The following ATP8A2 variants were observed in gnomAD, a reference collection of about 807,000 sequenced individuals.
The protein encoded by ATP8A2 is phospholipid-transporting ATPase IB.
Under a neutral mutation model 165.6 loss-of-function variants are expected in ATP8A2, and 100 were observed. That is an observed-to-expected ratio of 0.60 (90% CI 0.51 to 0.71). ATP8A2 has a LOEUF of 0.71. Ranked by LOEUF, ATP8A2 falls within the 30% of genes least tolerant of loss-of-function variation. The pLI is 0.00. For missense variants in ATP8A2, 1,227 were observed against 1,479.5 expected (o/e 0.83, Z 2.80); for synonymous variants, 543 against 548.8 (o/e 0.99, Z 0.15).
At chr13:25,782,450 C>T (rs1163971792) in intron 27 of ATP8A2, among the ~76,000 whole-genome samples, 2 of 152,142 alleles carry the variant, frequency 1.3e-5, no homozygotes, top group African/African-American at 4.8e-5. Context: ...AATGCTGAGA[C>T]TGAGGTACTG....
intron 2 of ATP8A2, among the ~76,000 whole-genome samples, chr13:25,471,462 T>G (rs145011789): frequency 0.011 from 1,720 of 152,188 alleles, 37 homozygotes; most frequent in African/African-American, 0.04. Context: ...GTGATTCTCC[T>G]GCTTCAGCCT....
At chr13:25,595,415 A>G (rs2040210670) in intron 24 of ATP8A2, among the ~76,000 whole-genome samples, 1 of 152,188 alleles carries the variant, frequency 6.6e-6, no homozygotes, top group Admixed American at 6.5e-5. Context: ...CTCTCTGTGG[A>G]TGGGTGTGGC....
In ATP8A2 at chr13:25,888,580, GC is replaced by G. The variant is rs377269263; in HGVS notation, c.3183+26174del. On this transcript the variant is annotated intron_variant, in intron 33 of 36. Coordinates refer to ENST00000381655, the MANE Select transcript of ATP8A2 (RefSeq NM_016529.6). ...AGTATATAGAAGTTTGTAGAGTTCA[GC>G]CGGGTGTGGTGGCTCACACCTGTAA... 1.1e-4 allele frequency among the ~76,000 whole-genome samples: 16 copies of G among 149,696 alleles called. 1 individual carries two copies. Among genetic ancestry groups the G allele is most frequent in the African/African-American group, 3.6e-4 (14 of 39,062 alleles).
intron 33 of ATP8A2, among the ~76,000 whole-genome samples, chr13:25,948,006 G>C (rs1955257540): frequency 6.6e-6 from 1 of 152,094 alleles, no homozygotes; most frequent in Non-Finnish European, 1.5e-5. Context: ...TGGGCATTGG[G>C]CACCAGGGGC....
chr13:25,834,152 T>C (rs939314570), intron 28 of ATP8A2, among the ~76,000 whole-genome samples: 1 of 152,240 alleles, frequency 6.6e-6, no homozygotes, highest in Non-Finnish European at 1.5e-5. Context: ...CCAACAATTG[T>C]ATGAAAACAT....
At chr13:25,515,549 C>T (rs757235809) in intron 2 of ATP8A2, among the ~76,000 whole-genome samples, 2 of 152,208 alleles carry the variant, frequency 1.3e-5, no homozygotes, top group African/African-American at 4.8e-5. Context: ...ACTTGTCTGG[C>T]GAAAGCAGAA....
intron 1 of ATP8A2, among the ~76,000 whole-genome samples, chr13:25,446,534 C>T (rs756271966): frequency 2.2e-4 from 32 of 145,724 alleles, no homozygotes; most frequent in African/African-American, 3.2e-4. Flanking sequence ...CCTGGAACCA[C>T]GCCCGCAGTA....
chr13:25,836,454 A>G (rs949142299), intron 28 of ATP8A2, among the ~76,000 whole-genome samples: 2 of 152,136 alleles, frequency 1.3e-5, no homozygotes, highest in Admixed American at 1.3e-4. Context: ...ATGTTGGTCT[A>G]ATACCTTGCA....
chr13:25,571,846 CTTG>C (rs2039476341), intron 18 of ATP8A2, 154 bp downstream of exon 18: 1 of 746,646 alleles, frequency 1.3e-6, no homozygotes, highest in East Asian at 2.5e-5. Context: ...ATTATATTAG[CTTG>C]TTCGAGTTGT....
At position 26,012,591 on chromosome 13, in the gene ATP8A2, C is replaced by A; in HGVS notation, c.3438C>A (p.Phe1146Leu). 6.6e-7 allele frequency: 1 copy of A among 1,523,680 alleles called. No homozygotes were observed. Among genetic ancestry groups the A allele is most frequent in the Non-Finnish European group, 8.8e-7 (1 of 1,135,680 alleles). 94.4% of individuals were successfully genotyped at this position (1,523,680 alleles called of 1,614,324 possible). Residue 1146 changes from phenylalanine to leucine, a missense_variant, in exon 36 of 37, where the codon TTC becomes TTA. Physicochemically the swap from Phe to Leu is conservative, Grantham distance 22. Transcript: ENST00000381655. ...RLGRKTPPTLFRGSSLQQGVP... is the reference protein window; with the variant it reads ...RLGRKTPPTLLRGSSLQQGVP... Reference sequence around the variant, plus strand: ...GCCGGAAGACGCCCCCGACGCTGTTCCGGGGCAGCTCCCTGCAGCAGGGCG... The same window carrying A: ...GCCGGAAGACGCCCCCGACGCTGTTACGGGGCAGCTCCCTGCAGCAGGGCG...
At chr13:25,479,918 G>A (rs1429845345) in intron 2 of ATP8A2, among the ~76,000 whole-genome samples, 3 of 152,112 alleles carry the variant, frequency 2.0e-5, no homozygotes, top group East Asian at 1.9e-4. Flanking sequence ...GCAACCATCC[G>A]ATTTCTCAAT....
At chr13:25,666,177 T>C (rs1249876038) in intron 24 of ATP8A2, among the ~76,000 whole-genome samples, 4 of 151,956 alleles carry the variant, frequency 2.6e-5, no homozygotes, top group African/African-American at 9.7e-5. Context: ...TTAAGAATAT[T>C]AGTTTTTATT....
intron 2 of ATP8A2, among the ~76,000 whole-genome samples, chr13:25,509,157 G>A (rs932569077): frequency 3.9e-5 from 6 of 152,126 alleles, no homozygotes; most frequent in African/African-American, 1.4e-4. Flanking sequence ...TATCAGTGTG[G>A]TATATTATGC....
At chr13:25,743,773 T>G (rs2043967967) in intron 25 of ATP8A2, among the ~76,000 whole-genome samples, 1 of 152,238 alleles carries the variant, frequency 6.6e-6, no homozygotes, top group Admixed American at 6.5e-5. Context: ...CCACTTCACC[T>G]GTTGCTGGGT....
At chr13:25,940,286 C>CTGCTGA (rs1464326903) in intron 33 of ATP8A2, among the ~76,000 whole-genome samples, 3 of 152,186 alleles carry the variant, frequency 2.0e-5, no homozygotes, top group Non-Finnish European at 2.9e-5. Flanking sequence ...CCAGAGTCCT[C>CTGCTGA]TGCTGATGCT....
chr13:25,384,436 C>T (rs2032967729), intron 1 of ATP8A2, among the ~76,000 whole-genome samples: 1 of 152,176 alleles, frequency 6.6e-6, no homozygotes, highest in African/African-American at 2.4e-5. Context: ...CTGGTGGCAA[C>T]TCTAGAATTA....
chr13:25,399,954 T>C (rs1479457070), intron 1 of ATP8A2, among the ~76,000 whole-genome samples: 2 of 6,252 alleles, frequency 3.2e-4, no homozygotes, highest in Non-Finnish European at 1.2e-3. Flanking sequence ...CCTTTTTCCT[T>C]TTCTTCTTTC....
At chr13:25,479,487 C>G (rs2036094806) in intron 2 of ATP8A2, among the ~76,000 whole-genome samples, 1 of 151,910 alleles carries the variant, frequency 6.6e-6, no homozygotes, top group African/African-American at 2.4e-5. Context: ...TTGTATGATT[C>G]TTTTATTTTT....
At chr13:25,619,651 T>G (rs2040918809) in intron 24 of ATP8A2, among the ~76,000 whole-genome samples, 1 of 152,062 alleles carries the variant, frequency 6.6e-6, no homozygotes, top group Non-Finnish European at 1.5e-5. Context: ...CACAACAAAT[T>G]AAAAATTCTA....
Sources: gnomAD v4.1 joint callset for allele counts (sites outside exome capture counted in the v4.1 genomes callset) on GRCh38, gnomAD v4.1.1 for gene constraint, MANE v1.5 for transcripts, NCBI Gene and HGNC (gene_info 2026-07-23, HGNC 2026-07-21) for gene names.